LHFPL5: variants seen among roughly 807,000 people sequenced by gnomAD.
LHFPL5 encodes the protein LHFPL tetraspan subfamily member 5, also known as LHFPL tetraspan subfamily member 5 protein.
A neutral mutation model predicts 18.7 loss-of-function variants in LHFPL5; 12 were observed. That is an observed-to-expected ratio of 0.64 (90% CI 0.41 to 1.04). LHFPL5 has a LOEUF of 1.04. LHFPL5 is among the 50% of genes least tolerant of loss of function. The pLI is 0.00. For synonymous variants in LHFPL5, 111 were observed against 120.2 expected (o/e 0.92, Z 0.50); for missense variants, 259 against 292.1 (o/e 0.89, Z 0.83).
chr6:35,808,297 T>TTTTATATA (rs1554146777), intron 1 of LHFPL5, among the ~76,000 whole-genome samples: 5 of 142,104 alleles, frequency 3.5e-5, no homozygotes, highest in African/African-American at 1.3e-4. Context: ...TATCTCTATT[T>TTTTATATA]TATATATATA....
At chr6:35,808,559 TTATACATA>T (rs1368083489) in intron 1 of LHFPL5, among the ~76,000 whole-genome samples, 4 of 84,074 alleles carry the variant, frequency 4.8e-5, no homozygotes, top group East Asian at 3.5e-4. Context: ...TATATTCATT[TTATACATA>T]TATATATATA....
intron 1 of LHFPL5, chr6:35,811,518 C>T (rs1222796160): frequency 6.6e-6 from 1 of 152,248 alleles, no homozygotes; most frequent in Non-Finnish European, 1.5e-5. Flanking sequence ...ACCCACTGTC[C>T]CCAGAACCGT....
chr6:35,814,407 A>G lies in LHFPL5; in HGVS notation c.413-139A>G, dbSNP rs1221619739. 2 of 788,330 alleles carry G rather than the reference A, an allele frequency of 2.5e-6. No homozygotes were observed. Among genetic ancestry groups the G allele is most frequent in the Admixed American group, 3.4e-5 (2 of 58,610 alleles). 48.8% of individuals were successfully genotyped at this position (788,330 alleles called of 1,614,324 possible). A position where few individuals can be genotyped will look rare whatever the true frequency, so the allele number is the denominator to read the frequency against. ...ACCTGTGTTCTGCAAGAAGGATGGT[A>G]GAGGCTGCCTCTCATGCCTCCTGAG... On this transcript the variant is annotated intron_variant, in intron 1 of 3. Coordinates refer to ENST00000360215, the MANE Select transcript of LHFPL5 (RefSeq NM_182548.4). This position sits in a 1 kb window ranked among gnomAD's most constrained non-coding sequence, Gnocchi z 4.2.
At chr6:35,821,359 C>A (rs116066389) in intron 3 of LHFPL5, among the ~76,000 whole-genome samples, 13 of 151,040 alleles carry the variant, frequency 8.6e-5, no homozygotes, top group East Asian at 7.7e-4. Flanking sequence ...GGTCTGGGGC[C>A]GTAGACCCTG....
chr6:35,809,741 C>T (rs1454040938), intron 1 of LHFPL5, among the ~76,000 whole-genome samples: 3 of 152,122 alleles, frequency 2.0e-5, no homozygotes, highest in East Asian at 3.9e-4. Context: ...TGAGCTCAGG[C>T]GATCTGCCTG....
chr6:35,817,041 G>C (rs1298058550), intron 2 of LHFPL5, among the ~76,000 whole-genome samples: 1 of 151,952 alleles, frequency 6.6e-6, no homozygotes, highest in East Asian at 1.9e-4. Context: ...AATCTTAAAA[G>C]AGGCCAGATG....
intron 2 of LHFPL5, among the ~76,000 whole-genome samples, chr6:35,815,448 C>T (rs1486478452): frequency 6.6e-6 from 1 of 152,150 alleles, no homozygotes; most frequent in Non-Finnish European, 1.5e-5. Context: ...TCATTGGGCT[C>T]TTCCCCTGCC....
At position 35,816,475 on chromosome 6, in the gene LHFPL5, C is replaced by A. The variant is rs1238265525; in HGVS notation, c.649+1693C>A. Among the ~76,000 whole-genome samples the A allele has an allele frequency of 2.6e-5, 4 of 152,000 alleles. No individual in the cohort carries two copies. In the East Asian group the frequency reaches 7.7e-4, roughly 29 times the overall value. On this transcript the variant is annotated intron_variant, in intron 2 of 3. Transcript: ENST00000360215. ...TATAGTTCCTGGGTCAGGGAAAGGC[C>A]TAGATCCCGGATCCCTTGAGGATTC...
intron 1 of LHFPL5, among the ~76,000 whole-genome samples, chr6:35,809,347 G>A (rs1044512093): frequency 6.6e-6 from 1 of 152,134 alleles, no homozygotes; most frequent in Non-Finnish European, 1.5e-5. Context: ...GAGCCTGGAG[G>A]TCTGAGATCT....
In LHFPL5 at chr6:35,814,024, C is replaced by T. The variant is rs530290490; in HGVS notation, c.413-522C>T. ...GTTGGTCAGGCTGGTCTCAAACTCC[C>T]AACCTCAGGTGATCTGCCCGCCTCG... On this transcript the variant is annotated intron_variant, in intron 1 of 3. Coordinates refer to ENST00000360215, the MANE Select transcript of LHFPL5 (RefSeq NM_182548.4). This position sits in a 1 kb window ranked among gnomAD's most constrained non-coding sequence, Gnocchi z 4.2. 6.6e-6 allele frequency among the ~76,000 whole-genome samples: 1 copy of T among 152,136 alleles called. No homozygotes were observed. The highest frequency in any genetic ancestry group is 1.5e-5 in the Non-Finnish European group (1 of 67,980).
At chr6:35,812,171 A>G (rs1213107106) in intron 1 of LHFPL5, among the ~76,000 whole-genome samples, 2 of 152,232 alleles carry the variant, frequency 1.3e-5, no homozygotes, top group Non-Finnish European at 2.9e-5. Flanking sequence ...CTTCTCCTAA[A>G]AAAGATCAAA....
At position 35,814,909 on chromosome 6, in the gene LHFPL5, A is replaced by T; in HGVS notation, c.649+127A>T. ...GGATGGGGACACCAAGACTAATCAG[A>T]CACACCCCTTGTCCTCCCTGAAATC... On this transcript the variant is annotated intron_variant, in intron 2 of 3. Coordinates refer to ENST00000360215, the MANE Select transcript of LHFPL5 (RefSeq NM_182548.4). The surrounding 1 kb of genome is among the most constrained non-coding windows in gnomAD (Gnocchi z 4.2). 1 of 848,342 alleles carries T rather than the reference A, an allele frequency of 1.2e-6. No individual in the cohort carries two copies. Among genetic ancestry groups the T allele is most frequent in the Non-Finnish European group, 2.0e-6 (1 of 499,092 alleles). 52.6% of individuals were successfully genotyped at this position (848,342 alleles called of 1,614,324 possible).
chr6:35,807,335 C>A (rs890104978), intron 1 of LHFPL5, among the ~76,000 whole-genome samples: 6 of 152,106 alleles, frequency 3.9e-5, no homozygotes, highest in African/African-American at 1.4e-4. Context: ...TGCCTTGAGG[C>A]AAAACCTCCC....
intron 3 of LHFPL5, among the ~76,000 whole-genome samples, chr6:35,820,424 G>A (rs567870361): frequency 1.3e-5 from 2 of 152,276 alleles, no homozygotes; most frequent in Admixed American, 1.3e-4. Context: ...AAGAGGACCG[G>A]GCGCGGTGAC....
chr6:35,813,520 G>C (rs1768706277), intron 1 of LHFPL5, among the ~76,000 whole-genome samples: 1 of 152,028 alleles, frequency 6.6e-6, no homozygotes. Flanking sequence ...TGGGATTACA[G>C]GCGTGAGCCA....
At chr6:35,819,695 G>C in intron 3 of LHFPL5, 1 of 551,108 alleles carries the variant, frequency 1.8e-6, no homozygotes, top group Non-Finnish European at 3.2e-6. Flanking sequence ...TTTTTTTTTT[G>C]AGATGGAATT....
chr6:35,814,273 CTGG>C lies in LHFPL5; in HGVS notation c.413-270_413-268del, dbSNP rs1237321907. ...ATGGCTGAAGGCCTGGGAGGACCACCTGGTGTGGTGGCAGAGCCGGCCTGGGCT... is the reference window on the plus strand; with the variant it reads ...ATGGCTGAAGGCCTGGGAGGACCACCTGTGGTGGCAGAGCCGGCCTGGGCT... On this transcript the variant is annotated intron_variant, in intron 1 of 3. Coordinates refer to ENST00000360215, the MANE Select transcript of LHFPL5 (RefSeq NM_182548.4). The surrounding 1 kb of genome is among the most constrained non-coding windows in gnomAD (Gnocchi z 4.2). Among the ~76,000 whole-genome samples, 1 of 152,114 alleles carries C rather than the reference CTGG, an allele frequency of 6.6e-6. No homozygotes were observed. Among genetic ancestry groups the C allele is most frequent in the Admixed American group, 6.6e-5 (1 of 15,264 alleles).
intron 2 of LHFPL5, among the ~76,000 whole-genome samples, chr6:35,816,324 C>T (rs1369749368): frequency 2.0e-4 from 26 of 127,250 alleles, no homozygotes; most frequent in Admixed American, 4.9e-4. Context: ...CCAGCCTGGA[C>T]GACAGAGCGA....
chr6:35,807,237 C>A (rs924012628), intron 1 of LHFPL5, among the ~76,000 whole-genome samples: 9 of 150,898 alleles, frequency 6.0e-5, no homozygotes, highest in Non-Finnish European at 1.2e-4. Context: ...CTAGACTGGG[C>A]AAGATGGAAA....
Sources: gnomAD v4.1 joint callset for allele counts (sites outside exome capture counted in the v4.1 genomes callset) on GRCh38, gnomAD v4.1.1 for gene constraint, Gnocchi (gnomAD v3.1) non-coding constraint, MANE v1.5 for transcripts, NCBI Gene and HGNC (gene_info 2026-07-23, HGNC 2026-07-21) for gene names.